Variants in CACNA2D3 observed in about 807,000 individuals in gnomAD.
CACNA2D3 encodes the protein calcium voltage-gated channel auxiliary subunit alpha2delta 3.
CACNA2D3 carries 60 observed loss-of-function variants against 160.6 expected under a neutral mutation model. The observed-to-expected ratio is 0.37, with a 90% CI of 0.30 to 0.46. CACNA2D3 has a LOEUF of 0.46. Ranked by LOEUF, CACNA2D3 falls within the 20% of genes least tolerant of loss-of-function variation. The pLI is 1.00. For synonymous variants in CACNA2D3, 558 were observed against 492.9 expected (o/e 1.13, Z -1.75); for missense variants, 1,205 against 1,365.0 (o/e 0.88, Z 1.85).
At chr3:54,609,228 GTGGCCA>G (rs1698697446) in intron 9 of CACNA2D3, among the ~76,000 whole-genome samples, 1 of 152,148 alleles carries the variant, frequency 6.6e-6, no homozygotes, top group Non-Finnish European at 1.5e-5. Context: ...TAGTGATAAG[GTGGCCA>G]TCTGTATACC....
chr3:54,244,378 A>G lies in CACNA2D3; in HGVS notation c.205-76064A>G, dbSNP rs866574088. Among the ~76,000 whole-genome samples, 37 of 152,358 alleles carry G rather than the reference A, an allele frequency of 2.4e-4. 1 individual carries two copies. The South Asian group carries it at 2.7e-3, about 11-fold the overall frequency. On this transcript the variant is annotated intron_variant, in intron 2 of 37. Transcript: ENST00000474759. ...AGCAATTAGTTGAATGAGACCGCAT[A>G]TGTGCAAACTGTCATCTATGAAACA...
chr3:54,134,132 A>G (rs1337972726), intron 2 of CACNA2D3, among the ~76,000 whole-genome samples: 1 of 152,156 alleles, frequency 6.6e-6, no homozygotes, highest in Non-Finnish European at 1.5e-5. Context: ...TACAATCGAC[A>G]GCTAGCTTGA....
At chr3:54,281,375 G>T (rs945212870) in intron 2 of CACNA2D3, among the ~76,000 whole-genome samples, 1 of 152,116 alleles carries the variant, frequency 6.6e-6, no homozygotes, top group Non-Finnish European at 1.5e-5. Flanking sequence ...AAAACACAAG[G>T]CTACCTGCCT....
intron 14 of CACNA2D3, among the ~76,000 whole-genome samples, chr3:54,824,157 G>A (rs1018632606): frequency 2.6e-5 from 4 of 152,174 alleles, no homozygotes; most frequent in African/African-American, 9.7e-5. Flanking sequence ...GTTGTCTTAC[G>A]TGGGACAAGT....
At chr3:54,855,007 T>C (rs1699136958) in intron 17 of CACNA2D3, among the ~76,000 whole-genome samples, 1 of 152,170 alleles carries the variant, frequency 6.6e-6, no homozygotes, top group Admixed American at 6.5e-5. Flanking sequence ...ACTGAAAGAA[T>C]GTTCTTTAAT....
At chr3:55,053,554 C>T (rs1269324929) in intron 35 of CACNA2D3, among the ~76,000 whole-genome samples, 1 of 152,000 alleles carries the variant, frequency 6.6e-6, no homozygotes, top group South Asian at 2.1e-4. Flanking sequence ...TATTTTTATG[C>T]TGTTTAAGTA....
intron 2 of CACNA2D3, among the ~76,000 whole-genome samples, chr3:54,138,224 G>A (rs141161769): frequency 3.3e-5 from 5 of 152,350 alleles, no homozygotes; most frequent in Non-Finnish European, 7.3e-5. Flanking sequence ...ATTTGCATTT[G>A]CCTCTTCCTT....
intron 2 of CACNA2D3, among the ~76,000 whole-genome samples, chr3:54,149,604 AG>A (rs1421116897): frequency 6.6e-6 from 1 of 152,160 alleles, no homozygotes; most frequent in East Asian, 1.9e-4. Flanking sequence ...GGAAGGAGAC[AG>A]GGGACCCTCT....
At chr3:54,198,511 C>A (rs1341244098) in intron 2 of CACNA2D3, among the ~76,000 whole-genome samples, 1 of 152,216 alleles carries the variant, frequency 6.6e-6, no homozygotes, top group Non-Finnish European at 1.5e-5. Flanking sequence ...TTCATTTGTA[C>A]CATTTGCCCA....
chr3:54,807,134 A>G (rs1441458927), intron 13 of CACNA2D3, among the ~76,000 whole-genome samples: 1 of 152,262 alleles, frequency 6.6e-6, no homozygotes, highest in African/African-American at 2.4e-5. Flanking sequence ...CATTCAGGAC[A>G]TAGGCATGGG....
At chr3:54,590,247 G>A (rs889390956) in intron 9 of CACNA2D3, among the ~76,000 whole-genome samples, 1 of 152,076 alleles carries the variant, frequency 6.6e-6, no homozygotes, top group Non-Finnish European at 1.5e-5. Context: ...GCAATCTATT[G>A]ATAGATACAT....
intron 27 of CACNA2D3, chr3:54,924,862 G>A (rs1700964857): frequency 6.2e-7 from 1 of 1,613,906 alleles, no homozygotes; most frequent in Non-Finnish European, 8.5e-7. Flanking sequence ...AGCTGAGGGA[G>A]GGAATGGAAA....
At chr3:54,272,983 C>G (rs1303106254) in intron 2 of CACNA2D3, 3 of 152,280 alleles carry the variant, frequency 2.0e-5, no homozygotes, top group Non-Finnish European at 4.4e-5. Flanking sequence ...ATGCCTTGGA[C>G]CCCCTTGTTC....
At chr3:54,172,460 C>T (rs867488610) in intron 2 of CACNA2D3, among the ~76,000 whole-genome samples, 9 of 152,106 alleles carry the variant, frequency 5.9e-5, no homozygotes, top group Admixed American at 1.3e-4. Context: ...AATGTGGTCT[C>T]GCTTCCTGAA....
chr3:54,630,434 G>T (rs565474991), intron 10 of CACNA2D3, among the ~76,000 whole-genome samples: 1 of 152,046 alleles, frequency 6.6e-6, no homozygotes, highest in Non-Finnish European at 1.5e-5. Context: ...GTTTAATGCC[G>T]GCCTGCCAAG....
chr3:54,406,887 G>C (rs905080704), intron 4 of CACNA2D3, among the ~76,000 whole-genome samples: 8 of 151,928 alleles, frequency 5.3e-5, no homozygotes, highest in African/African-American at 1.9e-4. Context: ...TTCCACTGTA[G>C]TCACCATTTT....
intron 11 of CACNA2D3, among the ~76,000 whole-genome samples, chr3:54,730,151 G>C (rs1701359563): frequency 6.6e-6 from 1 of 152,046 alleles, no homozygotes; most frequent in Non-Finnish European, 1.5e-5. Flanking sequence ...CATACTAAAG[G>C]CATAGACCTG....
chr3:54,303,440 T>C (rs1343782146), intron 2 of CACNA2D3, among the ~76,000 whole-genome samples: 1 of 152,232 alleles, frequency 6.6e-6, no homozygotes, highest in East Asian at 1.9e-4. Context: ...CAGAGTTTCT[T>C]GTTTGACTGG....
chr3:54,680,685 C>A (rs1036338555), intron 11 of CACNA2D3, among the ~76,000 whole-genome samples: 2 of 152,222 alleles, frequency 1.3e-5, no homozygotes, highest in African/African-American at 4.8e-5. Flanking sequence ...CGAGGAGAGG[C>A]TGTCCTCCCT....
Sources: allele counts gnomAD v4.1 joint callset (sites outside exome capture counted in the v4.1 genomes callset), GRCh38; gene constraint gnomAD v4.1.1; transcripts MANE v1.5; gene names NCBI Gene and HGNC (gene_info 2026-07-23, HGNC 2026-07-21).